The following MGRN1 variants were observed in gnomAD, a reference collection of about 807,000 sequenced individuals.
The protein encoded by MGRN1 is mahogunin ring finger 1, also known as E3 ubiquitin-protein ligase MGRN1.
A neutral mutation model predicts 69.2 loss-of-function variants in MGRN1; 29 were observed. The observed-to-expected ratio is 0.42, with a 90% confidence interval of 0.31 to 0.57. The LOEUF is 0.57. MGRN1 is among the 20% of genes least tolerant of loss of function. The pLI, the probability that MGRN1 is intolerant of heterozygous loss-of-function variation, is 0.15. For missense variants in MGRN1, 998 were observed against 796.2 expected, an observed-to-expected ratio of 1.25 and a Z score of -3.05; for synonymous variants, 470 against 344.2, an observed-to-expected ratio of 1.37 and a Z score of -4.04.
chr16:4,670,614 G>T (rs2078917196), intron 8 of MGRN1, among the ~76,000 whole-genome samples: 1 of 152,268 alleles, frequency 6.6e-6, no homozygotes, highest in Admixed American at 6.5e-5. Flanking sequence ...CAGCACTATG[G>T]GAGGTGGAGG....
At chr16:4,652,163 G>C in intron 3 of MGRN1, 112 bp downstream of exon 3, 1 of 973,352 alleles carries the variant, frequency 1.0e-6, no homozygotes, top group Non-Finnish European at 1.5e-6. Context: ...CCCAGTTTCT[G>C]CGCCCTCCCG....
chr16:4,651,900 C>T (rs544401304), intron 2 of MGRN1, 63 bp from the exon 3 acceptor site: 2 of 1,471,444 alleles, frequency 1.4e-6, no homozygotes, highest in East Asian at 4.5e-5. Context: ...TGCACCCTGA[C>T]CCGTTTTCTG....
chr16:4,634,584 GC>G (rs151085150), intron 1 of MGRN1: 2,246 of 152,738 alleles, frequency 0.015, 52 homozygotes, highest in African/African-American at 0.05. Flanking sequence ...CCGGAGCTCA[GC>G]CCTTTGCTGC....
intron 16 of MGRN1, chr16:4,687,213 C>A (rs1009116255): frequency 6.1e-6 from 6 of 985,120 alleles, no homozygotes; most frequent in African/African-American, 1.8e-5. Context: ...CCCATCCCCC[C>A]CAAGAGGCGC....
intron 12 of MGRN1, 38 bp downstream of exon 12, chr16:4,680,135 C>T (rs74529238): frequency 0.021 from 34,271 of 1,600,150 alleles, 459 homozygotes; most frequent in Non-Finnish European, 0.025. Flanking sequence ...TTTTTGCCCC[C>T]GCCCTCATTT....
chr16:4,683,314 G>T (rs369330364), intron 15 of MGRN1, 45 bp downstream of exon 15: 64 of 1,607,946 alleles, frequency 4.0e-5, no homozygotes, highest in Non-Finnish European at 5.2e-5. Flanking sequence ...CAGGGACCAG[G>T]CAGCCCTGGC....
chr16:4,665,435 C>T (rs1319922870), intron 7 of MGRN1, among the ~76,000 whole-genome samples: 1 of 149,540 alleles, frequency 6.7e-6, no homozygotes, highest in Admixed American at 6.7e-5. Context: ...CGTGATCTCT[C>T]TCGGCTCACT....
intron 10 of MGRN1, 56 bp from the exon 11 acceptor site, chr16:4,677,407 C>G: frequency 7.2e-7 from 1 of 1,386,036 alleles, no homozygotes; most frequent in Non-Finnish European, 9.6e-7. Flanking sequence ...CTGGGAGGGT[C>G]CCCTCGGGGC....
intron 10 of MGRN1, among the ~76,000 whole-genome samples, chr16:4,675,109 A>G (rs961161867): frequency 6.6e-6 from 1 of 151,954 alleles, no homozygotes; most frequent in Non-Finnish European, 1.5e-5. Context: ...AGTTGCTGGG[A>G]TTACAGGCAT....
intron 9 of MGRN1, among the ~76,000 whole-genome samples, chr16:4,671,682 G>C (rs915810547): frequency 1.3e-5 from 2 of 152,082 alleles, no homozygotes; most frequent in Non-Finnish European, 2.9e-5. Context: ...TGCCATCCAG[G>C]TTCCCCAGGG....
intron 8 of MGRN1, 118 bp downstream of exon 8, chr16:4,668,430 C>G: frequency 1.1e-6 from 1 of 911,460 alleles, no homozygotes. Context: ...CTCATACACG[C>G]TCATACACAC....
rs984223434 is a variant in MGRN1 at position 4,677,448 on chromosome 16, C to T, written c.956-15C>T. ...GTGTCGCCTGGGCCTGATCTGAGCC[C>T]TCCTTCTGCCGCAGCTTTCCGGGCC... is the stretch of plus-strand genomic sequence containing the variant. On this transcript the variant is annotated splice_polypyrimidine_tract_variant and intron_variant, in intron 10 of 16. Transcript: ENST00000262370. 1 of 1,538,162 alleles carries T rather than the reference C, an allele frequency of 6.5e-7. No individual in the cohort carries two copies. Among genetic ancestry groups the T allele is most frequent in the Non-Finnish European group, 8.7e-7 (1 of 1,145,274 alleles).
At chr16:4,686,790 G>A (rs1443781715) in intron 16 of MGRN1, 1 of 989,382 alleles carries the variant, frequency 1.0e-6, no homozygotes, top group African/African-American at 1.7e-5. Context: ...TCCTGCAGCA[G>A]ACACGTTAGG....
In MGRN1 at chr16:4,665,116, G is replaced by T. The variant is rs369656469; in HGVS notation, c.643G>T (p.Gly215Cys). 7 of 1,614,236 alleles carry T rather than the reference G, an allele frequency of 4.3e-6. No homozygotes were observed. The highest frequency in any genetic ancestry group is 2.7e-5 in the African/African-American group (2 of 75,062). ...CTCCCCAGCAGTGGTGGAAGTGACT[G>T]GCCACGCCCACGTGCTCTTGGCTGC... The part of the protein sequence containing the change: ...VDEGDVVEVT[G>C]HAHVLLAAFE... Residue 215 changes from glycine (G) to cysteine (C), a missense_variant, in exon 7 of 17, where the codon GGC (glycine) becomes TGC (cysteine). Gly to Cys is a radical substitution (Grantham distance 159). Coordinates refer to ENST00000262370, the MANE Select transcript of MGRN1 (RefSeq NM_015246.4).
chr16:4,680,053 C>G lies in MGRN1; in HGVS notation c.1087C>G (p.Pro363Ala), dbSNP rs761140588. ...EHSCPFKKSK[P>A]HPASLASKKP... ...ACAGTGTCCCTTTAAAAAATCAAAG[C>G]CGCACCCCGCCTCCCTGGCCAGCAA... Residue 363 changes from proline (P) to alanine (A), a missense_variant, in exon 12 of 17, where the codon CCG becomes GCG. Pro to Ala is a conservative substitution (Grantham distance 27). Transcript: ENST00000262370. 3.1e-6 allele frequency: 5 copies of G among 1,613,934 alleles called. No individual in the cohort carries two copies. The African/African-American group carries it at 5.3e-5, about 17-fold the overall frequency.
In MGRN1 at chr16:4,672,459, A is replaced by G. The variant is rs1463333655; in HGVS notation, c.795+1000A>G. On this transcript the variant is annotated intron_variant, in intron 9 of 16. Coordinates refer to ENST00000262370, the MANE Select transcript of MGRN1 (RefSeq NM_015246.4). The stretch of plus-strand genomic sequence containing the variant: ...TGGCATCTGGGCCCAGGACAACTGG[A>G]GCAGCTCCACGTGGCGGGAGCGGAG... The G allele has an allele frequency of 6.6e-6, 3 of 456,630 alleles. No homozygotes were observed. The Admixed American group carries it at 7.0e-5, about 11-fold the overall frequency. 28.3% of individuals were successfully genotyped at this position (456,630 alleles called of 1,614,324 possible).
intron 5 of MGRN1, among the ~76,000 whole-genome samples, chr16:4,658,637 G>A (rs768593408): frequency 3.9e-5 from 6 of 151,956 alleles, no homozygotes; most frequent in South Asian, 2.1e-4. Flanking sequence ...GCTGACTTAC[G>A]CTGGGGCCAG....
At chr16:4,666,798 C>G (rs2078815764) in intron 7 of MGRN1, among the ~76,000 whole-genome samples, 1 of 152,192 alleles carries the variant, frequency 6.6e-6, no homozygotes, top group Non-Finnish European at 1.5e-5. Flanking sequence ...ATCTGTTGTT[C>G]CCACTTGATG....
chr16:4,637,580 G>A (rs962867472), intron 1 of MGRN1, among the ~76,000 whole-genome samples: 1 of 152,248 alleles, frequency 6.6e-6, no homozygotes, highest in Non-Finnish European at 1.5e-5. Context: ...GAAATGGAGT[G>A]TATTGAAGGC....
Sources: gnomAD v4.1 joint callset for allele counts (sites outside exome capture counted in the v4.1 genomes callset) on GRCh38, gnomAD v4.1.1 for gene constraint, MANE v1.5 for transcripts, NCBI Gene and HGNC (gene_info 2026-07-23, HGNC 2026-07-21) for gene names.